Variants in FRY observed in about 807,000 individuals in gnomAD.
FRY encodes the protein FRY microtubule binding protein, also known as protein furry homolog.
In FRY, 128 loss-of-function variants were observed where a neutral mutation model predicts 348.4. The observed-to-expected ratio is 0.37, with a 90% CI of 0.32 to 0.43. The LOEUF (loss-of-function observed/expected upper bound fraction) is 0.43, where lower values mean the gene tolerates loss of function less well. FRY is among the 20% of genes least tolerant of loss of function. FRY has a pLI of 1.00. For missense variants in FRY, 2,736 were observed against 3,695.2 expected (o/e 0.74, Z 6.73); for synonymous variants, 1,370 against 1,374.7 (o/e 1.00, Z 0.08).
intron 2 of FRY, among the ~76,000 whole-genome samples, chr13:32,098,883 A>G (rs1876959311): frequency 6.6e-6 from 1 of 152,102 alleles, no homozygotes; most frequent in African/African-American, 2.4e-5. Flanking sequence ...TGTATTTTAC[A>G]TGAATACACA....
At chr13:32,172,198 A>G (rs953812929) in intron 18 of FRY, among the ~76,000 whole-genome samples, 5 of 151,848 alleles carry the variant, frequency 3.3e-5, no homozygotes, top group African/African-American at 4.8e-5. Flanking sequence ...GTGGATGTAG[A>G]TATGGATTTG....
chr13:32,265,193 G>T (rs1887854695), intron 53 of FRY, among the ~76,000 whole-genome samples: 10 of 152,178 alleles, frequency 6.6e-5, no homozygotes, highest in Admixed American at 6.5e-4. Context: ...ATAAGCATGG[G>T]CCAAGTACGA....
At chr13:32,253,764 TA>T (rs1887200756) in intron 50 of FRY, among the ~76,000 whole-genome samples, 1 of 152,236 alleles carries the variant, frequency 6.6e-6, no homozygotes, top group Admixed American at 6.5e-5. Context: ...TGTTTATCTC[TA>T]AAAGAGTTAA....
At position 32,187,575 on chromosome 13, in the gene FRY, T is replaced by C. The variant is rs373377677; in HGVS notation, c.3510T>C (p.Pro1170=). The C allele has an allele frequency of 1.6e-5, 25 of 1,610,902 alleles. No individual in the cohort carries two copies. Among genetic ancestry groups the C allele is most frequent in the Non-Finnish European group, 2.1e-5 (25 of 1,177,032 alleles). The change falls in exon 28 of 61, where the codon CCT becomes CCC. Residue 1170 remains proline (P), a synonymous_variant. Coordinates refer to ENST00000542859, the MANE Select transcript of FRY (RefSeq NM_023037.3). ...KAMSAVLCCG[P]VFDNVGLSPD... is the part of the protein sequence containing the mutation. ...TGTCAGCAGTACTGTGCTGTGGCCC[T>C]GTCTTTGACAATGTGGGCCTTTCCC...
chr13:32,057,939 A>C (rs1336871960), intron 1 of FRY, among the ~76,000 whole-genome samples: 1 of 150,164 alleles, frequency 6.7e-6, no homozygotes, highest in South Asian at 2.1e-4. Context: ...CAGCCTGGGC[A>C]ACAGAGCGAG....
At chr13:32,212,749 G>A (rs949565416) in intron 35 of FRY, among the ~76,000 whole-genome samples, 4 of 152,176 alleles carry the variant, frequency 2.6e-5, no homozygotes, top group Non-Finnish European at 5.9e-5. Flanking sequence ...TAGGGATAGA[G>A]TAGTCATCTT....
At chr13:32,043,189 A>G (rs9533238) in intron 1 of FRY, among the ~76,000 whole-genome samples, 4,634 of 152,252 alleles carry the variant, frequency 0.03, 81 homozygotes, top group Non-Finnish European at 0.038. Flanking sequence ...TGTGAAATGT[A>G]TTCACTACCA....
At chr13:32,275,205 C>T (rs910071243) in intron 56 of FRY, 13 of 367,654 alleles carry the variant, frequency 3.5e-5, no homozygotes, top group Middle Eastern at 7.2e-4. Flanking sequence ...GGTGAAACCC[C>T]GTATCTATTA....
intron 17 of FRY, among the ~76,000 whole-genome samples, chr13:32,163,266 C>T (rs764808643): frequency 7.9e-5 from 12 of 152,294 alleles, no homozygotes; most frequent in Non-Finnish European, 1.5e-4. Context: ...TGGACAAAGA[C>T]GGCCACCATC....
intron 16 of FRY, among the ~76,000 whole-genome samples, chr13:32,160,306 G>A (rs1881367079): frequency 6.6e-6 from 1 of 152,126 alleles, no homozygotes; most frequent in Non-Finnish European, 1.5e-5. Context: ...AGAAGACTAA[G>A]TCATCAGACT....
intron 1 of FRY, among the ~76,000 whole-genome samples, chr13:32,045,902 A>G (rs909687475): frequency 6.6e-6 from 1 of 152,248 alleles, no homozygotes; most frequent in Non-Finnish European, 1.5e-5. Context: ...GCTTGCTGAA[A>G]GTTAAGACCA....
chr13:32,236,372 T>C (rs1291361038), intron 43 of FRY, among the ~76,000 whole-genome samples, 200 bp downstream of exon 43: 4 of 151,868 alleles, frequency 2.6e-5, no homozygotes, highest in African/African-American at 9.7e-5. Context: ...ACACACACAT[T>C]ATATAAGTAT....
rs1331833488 is a variant in FRY, at chr13:32,171,331, T to G, written c.2151+61T>G. 7.5e-6 allele frequency: 6 copies of G among 798,540 alleles called. No individual in the cohort carries two copies. The African/African-American group carries it at 1.7e-4, about 22-fold the overall frequency. The allele number at this position is 798,540 out of a possible 1,614,324, so 49.5% of individuals were successfully genotyped here. A position where few individuals can be genotyped will look rare whatever the true frequency, so the allele number is the denominator to read the frequency against. On this transcript the variant is annotated intron_variant, in intron 18 of 60. Transcript: ENST00000542859. ...TTTTTTTTTTTTTTTTTTTTTTTTTTGAGACAGTCTTACTCTGTTGCCCAG... is the reference window on the plus strand; with the variant it reads ...TTTTTTTTTTTTTTTTTTTTTTTTTGGAGACAGTCTTACTCTGTTGCCCAG...
In FRY at chr13:32,102,002, C is replaced by A; in HGVS notation, c.310C>A (p.Pro104Thr). The part of the protein sequence containing the change: ...LTKSLQRGED[P>T]QFDQVISSMS... ...AAAATCTCTGCAACGTGGAGAAGAC[C>A]CCCAATTTGATCAGGTATGTGATAT... The change falls in exon 3 of 61, where the codon CCC becomes ACC. Residue 104 changes from proline (P) to threonine (T), a missense_variant. Coordinates refer to ENST00000542859, the MANE Select transcript of FRY (RefSeq NM_023037.3). 6.5e-7 allele frequency: 1 copy of A among 1,548,168 alleles called. No homozygotes were observed.
At chr13:32,092,034 G>T (rs1210350959) in intron 2 of FRY, among the ~76,000 whole-genome samples, 1 of 152,194 alleles carries the variant, frequency 6.6e-6, no homozygotes, top group Non-Finnish European at 1.5e-5. Flanking sequence ...CAATAGCATT[G>T]CTGGGTTAAA....
intron 41 of FRY, among the ~76,000 whole-genome samples, chr13:32,232,012 C>A (rs1885943258): frequency 6.6e-6 from 1 of 152,176 alleles, no homozygotes; most frequent in South Asian, 2.1e-4. Flanking sequence ...AGCCACATAT[C>A]TTTTCATTAT....
chr13:32,084,592 TCTTTA>T (rs1345343530), intron 2 of FRY, among the ~76,000 whole-genome samples: 4 of 152,336 alleles, frequency 2.6e-5, no homozygotes, highest in East Asian at 3.9e-4. Context: ...TATCTGCAAT[TCTTTA>T]CTTTATCTAA....
Position 32,276,968 on chromosome 13 carries a change from G to A in FRY, c.8385+406G>A, listed in dbSNP as rs545236736. ...CCACTCTTGGAGGCTGCGTCTGCCA[G>A]TCCCCAGGGCTTCTCTTGGCCTCAG... On this transcript the variant is annotated intron_variant, in intron 57 of 60. Coordinates refer to ENST00000542859, the MANE Select transcript of FRY (RefSeq NM_023037.3). Among the ~76,000 whole-genome samples the A allele has an allele frequency of 3.3e-5, 5 of 152,280 alleles. 1 individual carries two copies. In the South Asian group the frequency reaches 1.0e-3, roughly 32 times the overall value.
intron 58 of FRY, among the ~76,000 whole-genome samples, chr13:32,288,855 G>T (rs1270171662): frequency 6.6e-6 from 1 of 152,216 alleles, no homozygotes; most frequent in Non-Finnish European, 1.5e-5. Flanking sequence ...AATAGGCAAA[G>T]TGTAGAGGGT....
Sources: gnomAD v4.1 joint callset for allele counts (sites outside exome capture counted in the v4.1 genomes callset) on GRCh38, gnomAD v4.1.1 for gene constraint, MANE v1.5 for transcripts, NCBI Gene and HGNC (gene_info 2026-07-23, HGNC 2026-07-21) for gene names.